FAM13A: variants seen among roughly 807,000 people sequenced by gnomAD.
FAM13A encodes family with sequence similarity 13 member A.
A neutral mutation model predicts 129.6 loss-of-function variants in FAM13A; 76 were observed. The ratio of observed to expected loss-of-function variants is 0.59; its 90% CI spans 0.49 to 0.71. The LOEUF is 0.71. Ranked by LOEUF, FAM13A falls within the 30% of genes least tolerant of loss-of-function variation. The pLI is 0.00. For synonymous variants in FAM13A, 443 were observed against 449.9 expected (o/e 0.98, Z 0.20); for missense variants, 1,108 against 1,249.3 (o/e 0.89, Z 1.70).
In FAM13A at chr4:88,797,557, G is replaced by A. The variant is rs547780585; in HGVS notation, c.1050-6930C>T. On this transcript the variant is annotated intron_variant, in intron 8 of 23. Transcript: ENST00000264344. Reference sequence around the variant, plus strand: ...TGGGATTACAGGAGAGAACTACTGTGTCCAGCCTGTCACGTAGTTTTTATC... The same window carrying A: ...TGGGATTACAGGAGAGAACTACTGTATCCAGCCTGTCACGTAGTTTTTATC... 9.2e-5 allele frequency among the ~76,000 whole-genome samples: 14 copies of A among 152,252 alleles called. No individual in the cohort carries two copies. The South Asian group carries it at 1.9e-3, about 20-fold the overall frequency.
intron 7 of FAM13A, among the ~76,000 whole-genome samples, chr4:88,833,157 C>T (rs72872111): frequency 0.016 from 2,389 of 152,196 alleles, 64 homozygotes; most frequent in African/African-American, 0.053. Context: ...AATGTTCTCA[C>T]GTATAAGTGG....
chr4:88,958,512 G>A (rs2464526), intron 4 of FAM13A, among the ~76,000 whole-genome samples: 33,884 of 152,302 alleles, frequency 0.22, 4,243 homozygotes, highest in Middle Eastern at 0.37. Flanking sequence ...CAAGCTGTAA[G>A]TCTTGGTGGC....
At chr4:88,984,209 T>A (rs552426772) in intron 4 of FAM13A, among the ~76,000 whole-genome samples, 1 of 152,120 alleles carries the variant, frequency 6.6e-6, no homozygotes, top group Non-Finnish European at 1.5e-5. Context: ...AGAAGATGAA[T>A]AAATCTTCAT....
chr4:88,808,865 A>C (rs1247405582), intron 7 of FAM13A, among the ~76,000 whole-genome samples: 1 of 152,272 alleles, frequency 6.6e-6, no homozygotes, highest in Admixed American at 6.5e-5. Flanking sequence ...GATACATGGT[A>C]CTATATTCTC....
chr4:89,036,797 C>T (rs1769441307), intron 1 of FAM13A, among the ~76,000 whole-genome samples: 1 of 152,208 alleles, frequency 6.6e-6, no homozygotes, highest in African/African-American at 2.4e-5. Flanking sequence ...CACTCCAGCT[C>T]CAGCCATGGC....
Position 89,029,505 on chromosome 4 carries a change from TG to T in FAM13A, c.171del (p.Ile58PhefsTer4), listed in dbSNP as rs746046924. On this transcript the variant is annotated frameshift_variant, in exon 2 of 24. Coordinates refer to ENST00000264344, the MANE Select transcript of FAM13A (RefSeq NM_014883.4). LOFTEE classifies it high-confidence loss of function. ...ACTATATTCCACACTACTGCTGGAA[TG>T]CCATTCTCGGTGAGCCCCTGCCGTT... ...ELERQGLTEN[G>X]IPAVVWNIVE... 6.3e-7 allele frequency: 1 copy of T among 1,596,120 alleles called. No homozygotes were observed. Among genetic ancestry groups the T allele is most frequent in the South Asian group, 1.1e-5 (1 of 87,928 alleles).
intron 4 of FAM13A, among the ~76,000 whole-genome samples, chr4:88,956,904 C>T (rs574462143): frequency 6.6e-6 from 1 of 152,264 alleles, no homozygotes; most frequent in Non-Finnish European, 1.5e-5. Context: ...ATTATAACCC[C>T]AAATGTTGGA....
rs377664497 is a variant in FAM13A at position 88,764,744 on chromosome 4, T to G, written c.1578+2809A>C. 7.9e-5 allele frequency among the ~76,000 whole-genome samples: 12 copies of G among 152,324 alleles called. No individual in the cohort carries two copies. The South Asian group carries it at 1.7e-3, about 21-fold the overall frequency. ...ACATTGCCCAGATAGGATATTTTAT[T>G]AAAATGTCAGCCTTTCTGAACCTTC... On this transcript the variant is annotated intron_variant, in intron 13 of 23. Coordinates refer to ENST00000264344, the MANE Select transcript of FAM13A (RefSeq NM_014883.4).
chr4:88,952,291 G>A (rs1033097419), intron 4 of FAM13A, among the ~76,000 whole-genome samples: 3 of 151,988 alleles, frequency 2.0e-5, no homozygotes, highest in East Asian at 3.9e-4. Context: ...GTTCTTCACC[G>A]AGAGCTCAGC....
At chr4:89,055,583 T>C (rs9996559) in intron 1 of FAM13A, among the ~76,000 whole-genome samples, 51,467 of 151,988 alleles carry the variant, frequency 0.34, 9,211 homozygotes, top group Middle Eastern at 0.47. Flanking sequence ...TGACTACCAA[T>C]CTTCATGACC....
chr4:88,977,349 A>G (rs1331750476), intron 4 of FAM13A, among the ~76,000 whole-genome samples: 3 of 152,190 alleles, frequency 2.0e-5, no homozygotes, highest in Non-Finnish European at 4.4e-5. Flanking sequence ...ATGAAGCCAT[A>G]GAAAGTGAAA....
intron 7 of FAM13A, among the ~76,000 whole-genome samples, chr4:88,808,997 T>C (rs1561051870): frequency 2.6e-5 from 4 of 152,264 alleles, no homozygotes; most frequent in Admixed American, 2.6e-4. Flanking sequence ...AGCAGAGTCC[T>C]GTCTAACTTA....
intron 18 of FAM13A, 63 bp downstream of exon 18, chr4:88,747,568 C>A (rs1357501557): frequency 4.5e-6 from 6 of 1,345,030 alleles, no homozygotes; most frequent in Non-Finnish European, 5.3e-6. Flanking sequence ...CGTGGCATGC[C>A]CTGTGTCTCT....
intron 6 of FAM13A, among the ~76,000 whole-genome samples, chr4:88,900,445 C>A (rs1271032975): frequency 6.6e-6 from 1 of 151,856 alleles, no homozygotes; most frequent in African/African-American, 2.4e-5. Context: ...TAACCATGGA[C>A]CTCTCAGTGG....
At chr4:88,918,014 C>T (rs566838177) in intron 5 of FAM13A, among the ~76,000 whole-genome samples, 20 of 152,328 alleles carry the variant, frequency 1.3e-4, no homozygotes, top group African/African-American at 3.4e-4. Flanking sequence ...TCTCACACTG[C>T]CTGCTGCCCA....
At chr4:88,838,645 T>C (rs935113591) in intron 7 of FAM13A, among the ~76,000 whole-genome samples, 3 of 151,634 alleles carry the variant, frequency 2.0e-5, no homozygotes, top group Admixed American at 1.3e-4. Context: ...GAGAATGGCG[T>C]GAACCCGGGA....
At chr4:88,969,019 G>C (rs1759725190) in intron 4 of FAM13A, among the ~76,000 whole-genome samples, 1 of 152,062 alleles carries the variant, frequency 6.6e-6, no homozygotes, top group Non-Finnish European at 1.5e-5. Context: ...TCATATCATT[G>C]AATGCTATTA....
At chr4:88,963,784 A>G (rs1033777958) in intron 4 of FAM13A, among the ~76,000 whole-genome samples, 1 of 152,198 alleles carries the variant, frequency 6.6e-6, no homozygotes, top group African/African-American at 2.4e-5. Flanking sequence ...TATAAATAAT[A>G]TGGTAAGATA....
chr4:88,880,054 CTAAT>C (rs1236348348), intron 6 of FAM13A, among the ~76,000 whole-genome samples: 1 of 152,084 alleles, frequency 6.6e-6, no homozygotes, highest in African/African-American at 2.4e-5. Context: ...TTATTCCTCT[CTAAT>C]AAATTAGAAT....
Sources: allele counts gnomAD v4.1 joint callset (sites outside exome capture counted in the v4.1 genomes callset), GRCh38; gene constraint gnomAD v4.1.1; transcripts MANE v1.5; gene names NCBI Gene and HGNC (gene_info 2026-07-23, HGNC 2026-07-21).